PLCG2: variants seen among roughly 807,000 people sequenced by gnomAD.
The protein encoded by PLCG2 is 1-phosphatidylinositol 4,5-bisphosphate phosphodiesterase gamma-2.
In PLCG2, 69 loss-of-function variants were observed where a neutral mutation model predicts 175.6. The observed-to-expected ratio is 0.39, with a 90% confidence interval of 0.32 to 0.48. The LOEUF is 0.48. Ranked by LOEUF, PLCG2 falls within the 20% of genes least tolerant of loss-of-function variation. The probability of loss-of-function intolerance (pLI) is 0.91; values close to 1 mark genes in which losing one functional copy is unlikely to be tolerated. For synonymous variants in PLCG2, 827 were observed against 624.0 expected, an observed-to-expected ratio of 1.33 and a Z score of -4.85; for missense variants, 1,798 against 1,650.9, an observed-to-expected ratio of 1.09 and a Z score of -1.54.
Position 81,961,305 on chromosome 16 carries a change from A to T in PLCG2, c.*3307A>T, listed in dbSNP as rs1303798580. The T allele has an allele frequency of 4.4e-6, 1 of 225,384 alleles. No homozygotes were observed. The highest frequency in any genetic ancestry group is 8.8e-6 in the Non-Finnish European group (1 of 113,350). The allele number at this position is 225,384 out of a possible 1,614,324, so 14.0% of individuals were successfully genotyped here. A position where few individuals can be genotyped will look rare whatever the true frequency, so the allele number is the denominator to read the frequency against. ...AGAATTGATGATGAACTTTGGCTCA[A>T]TCTTAAGATGTTATCAATCTACATA... On this transcript the variant is annotated 3_prime_UTR_variant, in exon 33 of 33. Coordinates refer to ENST00000564138, the MANE Select transcript of PLCG2 (RefSeq NM_002661.5).
At chr16:81,932,539 G>C (rs1039988358) in intron 25 of PLCG2, among the ~76,000 whole-genome samples, 2 of 152,178 alleles carry the variant, frequency 1.3e-5, no homozygotes, top group Admixed American at 1.3e-4. Context: ...GGGGCCTCTT[G>C]TGCCCTCTGA....
chr16:81,754,653 G>A (rs908700369), intron 1 of PLCG2, among the ~76,000 whole-genome samples: 5 of 150,914 alleles, frequency 3.3e-5, no homozygotes, highest in Non-Finnish European at 2.9e-5. Flanking sequence ...AATGACTGTG[G>A]GGCCCCATGG....
intron 2 of PLCG2, among the ~76,000 whole-genome samples, chr16:81,805,037 A>C (rs1340305426): frequency 6.6e-6 from 1 of 152,200 alleles, no homozygotes; most frequent in East Asian, 1.9e-4. Flanking sequence ...GATTTGCCCA[A>C]GGTTACCAAA....
At chr16:81,898,155 G>T (rs1249617889) in intron 13 of PLCG2, 1 of 215,304 alleles carries the variant, frequency 4.6e-6, no homozygotes, top group Non-Finnish European at 9.5e-6. Context: ...GTCATTCATC[G>T]AACATTATCT....
At chr16:81,954,809 T>A (rs1911502005) in intron 31 of PLCG2, among the ~76,000 whole-genome samples, 1 of 152,214 alleles carries the variant, frequency 6.6e-6, no homozygotes, top group African/African-American at 2.4e-5. Flanking sequence ...TACATGTGCG[T>A]GGGTCTTTAT....
Position 81,785,997 on chromosome 16 carries a change from C to G in PLCG2, c.8C>G (p.Thr3Ser). MS[T>S]TVNVDSLAEY... is the part of the protein sequence containing the mutation. ...TCCCTGGAGCGGCCGACAATGTCCACCACGGTCAATGTAGATTCCCTTGCG... is the reference window on the plus strand; with the variant it reads ...TCCCTGGAGCGGCCGACAATGTCCAGCACGGTCAATGTAGATTCCCTTGCG... The change falls in exon 2 of 33, where the codon ACC (threonine) becomes AGC (serine). Residue 3 changes from threonine to serine, a missense_variant. Thr to Ser is a moderately conservative substitution (Grantham distance 58). Coordinates refer to ENST00000564138, the MANE Select transcript of PLCG2 (RefSeq NM_002661.5). The G allele has an allele frequency of 1.2e-6, 2 of 1,613,658 alleles. No individual in the cohort carries two copies. The highest frequency in any genetic ancestry group is 1.7e-6 in the Non-Finnish European group (2 of 1,179,650).
chr16:81,874,660 C>A (rs112103926), intron 7 of PLCG2, among the ~76,000 whole-genome samples: 9 of 152,238 alleles, frequency 5.9e-5, no homozygotes, highest in African/African-American at 2.2e-4. Context: ...ACTTATAATC[C>A]CCAGAACTAA....
chr16:81,814,714 C>A (rs1904462503), intron 2 of PLCG2, among the ~76,000 whole-genome samples: 1 of 151,928 alleles, frequency 6.6e-6, no homozygotes, highest in African/African-American at 2.4e-5. Flanking sequence ...AAAAAAGACA[C>A]CCTGGGGGAC....
At chr16:81,752,192 C>T (rs552779187) in intron 1 of PLCG2, among the ~76,000 whole-genome samples, 7 of 152,100 alleles carry the variant, frequency 4.6e-5, no homozygotes, top group African/African-American at 9.7e-5. Flanking sequence ...CCCAACACTG[C>T]GTCTCAGAGT....
chr16:81,892,380 A>G (rs1908678547), intron 11 of PLCG2, among the ~76,000 whole-genome samples: 1 of 152,130 alleles, frequency 6.6e-6, no homozygotes. Flanking sequence ...ATGTTCCAGT[A>G]TTTAGTCTGT....
In PLCG2 at chr16:81,923,600, G is replaced by A. The variant is rs371502079; in HGVS notation, c.2417+6G>A. 7 of 1,561,474 alleles carry A rather than the reference G, an allele frequency of 4.5e-6. No individual in the cohort carries two copies. The highest frequency in any genetic ancestry group is 2.2e-5 in the East Asian group (1 of 44,622). ...TCCAAGGAGCCCGGGGGCTGGTAAG[G>A]CTGAGTGGAGGCTGGGCTGCTCGGC... On this transcript the variant is annotated splice_donor_region_variant and intron_variant, in intron 22 of 32. Transcript: ENST00000564138.
intron 2 of PLCG2, among the ~76,000 whole-genome samples, chr16:81,841,373 C>T (rs1186738575): frequency 2.0e-5 from 3 of 151,976 alleles, no homozygotes; most frequent in African/African-American, 4.8e-5. Flanking sequence ...GCTGGGATTA[C>T]AGGCACCCAG....
At position 81,761,392 on chromosome 16, in the gene PLCG2, A is replaced by G. The variant is rs543846861; in HGVS notation, c.-48+5426A>G. 2.0e-5 allele frequency among the ~76,000 whole-genome samples: 3 copies of G among 152,320 alleles called. No individual in the cohort carries two copies. The East Asian group carries it at 5.8e-4, about 29-fold the overall frequency. Reference sequence around the variant, plus strand: ...AAGTAATAATAATAGTAATGATAATACTTAAATGTAAGTGTATTGTAATTA... The same window carrying G: ...AAGTAATAATAATAGTAATGATAATGCTTAAATGTAAGTGTATTGTAATTA... On this transcript the variant is annotated intron_variant, in intron 2 of 5. Transcript: ENST00000565054.
chr16:81,775,563 C>G (rs749060662), upstream of PLCG2, among the ~76,000 whole-genome samples: 5 of 152,128 alleles, frequency 3.3e-5, no homozygotes, highest in Non-Finnish European at 5.9e-5. Context: ...AGGTACATTT[C>G]TGATACCCAT....
upstream of PLCG2, among the ~76,000 whole-genome samples, chr16:81,778,022 A>C (rs1165337039): frequency 1.2e-5 from 1 of 83,378 alleles, no homozygotes; most frequent in Non-Finnish European, 2.5e-5. Context: ...GTCTCAAAAA[A>C]AAAAAAAAAC....
At chr16:81,801,552 C>G (rs367936087) in intron 2 of PLCG2, among the ~76,000 whole-genome samples, 5 of 152,136 alleles carry the variant, frequency 3.3e-5, no homozygotes, top group African/African-American at 9.7e-5. Flanking sequence ...TAGGTTGTTT[C>G]CAATCATGAT....
chr16:81,951,610 G>C (rs1597154054), intron 31 of PLCG2, among the ~76,000 whole-genome samples: 3 of 152,338 alleles, frequency 2.0e-5, no homozygotes, highest in South Asian at 2.1e-4. Context: ...GAGAAAGATA[G>C]TACTCCTAGC....
In PLCG2 at chr16:81,904,008, G is replaced by A. The variant is rs147112036; in HGVS notation, c.1363-1395G>A. 3.9e-5 allele frequency among the ~76,000 whole-genome samples: 6 copies of A among 152,306 alleles called. No individual in the cohort carries two copies. In the East Asian group the frequency reaches 9.7e-4, roughly 25 times the overall value. Reference sequence around the variant, plus strand: ...CAGTCTTGTCAAGACACTGCAGGACGAATAACCTCAGCCCTTGCCCACTTT... The same window carrying A: ...CAGTCTTGTCAAGACACTGCAGGACAAATAACCTCAGCCCTTGCCCACTTT... On this transcript the variant is annotated intron_variant, in intron 14 of 32. Transcript: ENST00000564138.
chr16:81,891,390 C>G (rs140455097), intron 10 of PLCG2, 82 bp from the exon 11 acceptor site: 9 of 824,940 alleles, frequency 1.1e-5, no homozygotes, highest in South Asian at 5.5e-5. Context: ...TTCTTCCCCC[C>G]TGGTGGGCGC....
Sources: allele counts gnomAD v4.1 joint callset (sites outside exome capture counted in the v4.1 genomes callset), GRCh38; gene constraint gnomAD v4.1.1; transcripts MANE v1.5; gene names NCBI Gene and HGNC (gene_info 2026-07-23, HGNC 2026-07-21).